Variants in MTHFSD observed in about 807,000 individuals in gnomAD.
MTHFSD encodes methenyltetrahydrofolate synthase domain-containing protein.
MTHFSD carries 37 observed loss-of-function variants against 31.1 expected under a neutral mutation model. The observed-to-expected ratio is 1.19, with a 90% CI of 0.91 to 1.56. The LOEUF (loss-of-function observed/expected upper bound fraction) is 1.56, where lower values mean the gene tolerates loss of function less well. Among genes scored for constraint, MTHFSD ranks in the 40% most tolerant of loss-of-function variants. The pLI is 0.00. For missense variants in MTHFSD, 664 were observed against 510.1 expected (o/e 1.30, Z -2.91); for synonymous variants, 221 against 206.9 (o/e 1.07, Z -0.59).
intron 7 of MTHFSD, among the ~76,000 whole-genome samples, chr16:86,536,083 G>A (rs559137628): frequency 6.6e-6 from 1 of 152,314 alleles, no homozygotes; most frequent in South Asian, 2.1e-4. Flanking sequence ...TTGAACTCCT[G>A]GGCTCAAGTG....
chr16:86,532,040 C>A lies in MTHFSD; in HGVS notation c.1123G>T (p.Ala375Ser). ...TTGTCCCTCTGCTGCCTGGCCAGCG[C>A]CACCCTCAGGGTGTCGGTGCCCAGG... ...LRLGTDTLRV[A>S]LARQQRDK The change falls in exon 8 of 8, where the codon GCG (alanine) becomes TCG (serine). Residue 375 changes from alanine (A) to serine (S), a missense_variant. Coordinates refer to ENST00000360900, the MANE Select transcript of MTHFSD (RefSeq NM_001159377.2). 1 of 1,491,416 alleles carries A rather than the reference C, an allele frequency of 6.7e-7. No homozygotes were observed. The highest frequency in any genetic ancestry group is 1.4e-5 in the African/African-American group (1 of 70,974). 92.4% of individuals were successfully genotyped at this position (1,491,416 alleles called of 1,614,324 possible). A position where few individuals can be genotyped will look rare whatever the true frequency, so the allele number is the denominator to read the frequency against.
At chr16:86,551,855 C>A in intron 3 of MTHFSD, 178 bp downstream of exon 3, 2 of 1,165,944 alleles carry the variant, frequency 1.7e-6, no homozygotes, top group South Asian at 1.7e-5. Flanking sequence ...TGCTAAACAG[C>A]TGAAGGGCTT....
rs766909352 is a variant in MTHFSD at position 86,555,155 on chromosome 16, G to C, written c.16+14C>G. 1 of 1,534,534 alleles carries C rather than the reference G, an allele frequency of 6.5e-7. No individual in the cohort carries two copies. Among genetic ancestry groups the C allele is most frequent in the Non-Finnish European group, 8.7e-7 (1 of 1,145,056 alleles). On this transcript the variant is annotated intron_variant, in intron 1 of 7. Transcript: ENST00000360900. ...CCATTCCCAGCCGCCCCGGAGCCCCGCCAGGCCCCCCACCTGCCCTCGGCT... is the reference window on the plus strand; with the variant it reads ...CCATTCCCAGCCGCCCCGGAGCCCCCCCAGGCCCCCCACCTGCCCTCGGCT...
intron 7 of MTHFSD, among the ~76,000 whole-genome samples, chr16:86,538,599 G>A (rs1168449679): frequency 6.6e-6 from 1 of 152,244 alleles, no homozygotes; most frequent in East Asian, 1.9e-4. Flanking sequence ...GCACAGAGCT[G>A]AGGCAGCCAA....
At chr16:86,545,380 G>A (rs1597360492) in intron 5 of MTHFSD, among the ~76,000 whole-genome samples, 2 of 152,122 alleles carry the variant, frequency 1.3e-5, no homozygotes, top group East Asian at 3.9e-4. Flanking sequence ...TACACAGGGG[G>A]TTAGCTAAAC....
chr16:86,532,039 G>T lies in MTHFSD; in HGVS notation c.1124C>A (p.Ala375Glu), dbSNP rs368619807. 9.4e-6 allele frequency: 14 copies of T among 1,488,436 alleles called. No homozygotes were observed. The highest frequency in any genetic ancestry group is 2.3e-5 in the Admixed American group (1 of 43,484). 92.2% of individuals were successfully genotyped at this position (1,488,436 alleles called of 1,614,324 possible). The change falls in exon 8 of 8, where the codon GCG (alanine) becomes GAG (glutamate). Residue 375 changes from alanine (A) to glutamate (E), a missense_variant. Coordinates refer to ENST00000360900, the MANE Select transcript of MTHFSD (RefSeq NM_001159377.2). Reference sequence around the variant, plus strand: ...CTTGTCCCTCTGCTGCCTGGCCAGCGCCACCCTCAGGGTGTCGGTGCCCAG... The same window carrying T: ...CTTGTCCCTCTGCTGCCTGGCCAGCTCCACCCTCAGGGTGTCGGTGCCCAG... ...LRLGTDTLRVALARQQRDK is the reference protein window; with the variant it reads ...LRLGTDTLRVELARQQRDK
At chr16:86,545,333 C>T (rs1324323274) in intron 5 of MTHFSD, among the ~76,000 whole-genome samples, 1 of 152,184 alleles carries the variant, frequency 6.6e-6, no homozygotes, top group African/African-American at 2.4e-5. Context: ...CTGTGCTGTT[C>T]AATTTTCTAA....
At chr16:86,538,725 C>T (rs912425971) in intron 7 of MTHFSD, among the ~76,000 whole-genome samples, 4 of 152,218 alleles carry the variant, frequency 2.6e-5, no homozygotes, top group Non-Finnish European at 4.4e-5. Context: ...CCCAGAGGTT[C>T]AGGACCACGT....
intron 7 of MTHFSD, chr16:86,541,306 A>AT: frequency 1.9e-6 from 2 of 1,054,678 alleles, no homozygotes; most frequent in Non-Finnish European, 2.5e-6. Context: ...AAAAAAAAAA[A>AT]ATCTGGATTT....
chr16:86,541,292 A>T (rs1263836375), intron 7 of MTHFSD: 16 of 261,058 alleles, frequency 6.1e-5, no homozygotes, highest in East Asian at 2.9e-4. Flanking sequence ...GATCGTCAGT[A>T]AAAAAAAAAA....
intron 7 of MTHFSD, among the ~76,000 whole-genome samples, chr16:86,536,622 C>T (rs1970727702): frequency 6.6e-6 from 1 of 152,248 alleles, no homozygotes; most frequent in Admixed American, 6.5e-5. Context: ...AGGGATGGCT[C>T]AACCTGGGAG....
At chr16:86,551,344 C>G (rs993227450) in intron 3 of MTHFSD, among the ~76,000 whole-genome samples, 3 of 152,144 alleles carry the variant, frequency 2.0e-5, no homozygotes, top group Admixed American at 6.5e-5. Flanking sequence ...GAGGGTACAT[C>G]AGACTTCTTA....
In MTHFSD at chr16:86,542,912, C is replaced by T. The variant is rs540254086; in HGVS notation, c.443-699G>A. On this transcript the variant is annotated intron_variant, in intron 5 of 7. Transcript: ENST00000360900. The surrounding 1 kb of genome is among the most constrained non-coding windows in gnomAD (Gnocchi z 4.6). ...GGCCCCCATGGAGAAGCTACAATTC[C>T]GCTTATGAGAAGCCTGAGGCACTTC... 3.3e-5 allele frequency among the ~76,000 whole-genome samples: 5 copies of T among 152,130 alleles called. No individual in the cohort carries two copies. Among genetic ancestry groups the T allele is most frequent in the South Asian group, 4.1e-4 (2 of 4,820 alleles).
At chr16:86,538,392 C>G (rs1031022124) in intron 7 of MTHFSD, among the ~76,000 whole-genome samples, 1 of 152,156 alleles carries the variant, frequency 6.6e-6, no homozygotes, top group African/African-American at 2.4e-5. Context: ...CAGGTGCTCA[C>G]TCGGGTCCAG....
intron 7 of MTHFSD, chr16:86,535,441 A>G: frequency 9.1e-6 from 9 of 985,424 alleles, no homozygotes; most frequent in Non-Finnish European, 1.1e-5. Context: ...TCTGGACGTC[A>G]TGGTTGGGAT....
In MTHFSD at chr16:86,530,495, C is replaced by T. The variant is rs1969899043; in HGVS notation, c.*1516G>A. 1.3e-5 allele frequency: 2 copies of T among 152,138 alleles called. No homozygotes were observed. Among genetic ancestry groups the T allele is most frequent in the African/African-American group, 4.8e-5 (2 of 41,412 alleles). 9.4% of individuals were successfully genotyped at this position (152,138 alleles called of 1,614,324 possible). On this transcript the variant is annotated 3_prime_UTR_variant, in exon 8 of 8. Coordinates refer to ENST00000360900, the MANE Select transcript of MTHFSD (RefSeq NM_001159377.2). ...GGGTCTATTCCCCGAAGTCCTTGCT[C>T]CTGTCTGCAGGGCTGTGCCCACTGC...
intron 7 of MTHFSD, among the ~76,000 whole-genome samples, chr16:86,539,156 G>T (rs76781532): frequency 0.01 from 1,575 of 152,270 alleles, 22 homozygotes; most frequent in African/African-American, 0.036. Flanking sequence ...GGCTACTTGT[G>T]GGGGGTCTCT....
chr16:86,541,836 G>C lies in MTHFSD; in HGVS notation c.556-14C>G. 6.2e-7 allele frequency: 1 copy of C among 1,613,618 alleles called. No homozygotes were observed. Among genetic ancestry groups the C allele is most frequent in the Non-Finnish European group, 8.5e-7 (1 of 1,179,596 alleles). On this transcript the variant is annotated splice_polypyrimidine_tract_variant and intron_variant, in intron 6 of 7. Transcript: ENST00000360900. ...GATGTCCACGACCTGGGGGAAGAGAGGAGGGATAAAGGGGCTGCTGGGAAT... is the reference window on the plus strand; with the variant it reads ...GATGTCCACGACCTGGGGGAAGAGACGAGGGATAAAGGGGCTGCTGGGAAT...
chr16:86,530,914 G>C lies in MTHFSD; in HGVS notation c.*1097C>G, dbSNP rs1160098700. 1 of 152,206 alleles carries C rather than the reference G, an allele frequency of 6.6e-6. No individual in the cohort carries two copies. Among genetic ancestry groups the C allele is most frequent in the East Asian group, 1.9e-4 (1 of 5,186 alleles). The allele number at this position is 152,206 out of a possible 1,614,324, so 9.4% of individuals were successfully genotyped here. A position where few individuals can be genotyped will look rare whatever the true frequency, so the allele number is the denominator to read the frequency against. ...TCTGTCTTTAATGAGCAAATGTAAG[G>C]CTGCGTTTTCTTTGCGAAGTCTCCA... On this transcript the variant is annotated 3_prime_UTR_variant, in exon 8 of 8. Coordinates refer to ENST00000360900, the MANE Select transcript of MTHFSD (RefSeq NM_001159377.2).
Sources: gnomAD v4.1 joint callset for allele counts (sites outside exome capture counted in the v4.1 genomes callset) on GRCh38, gnomAD v4.1.1 for gene constraint, Gnocchi (gnomAD v3.1) non-coding constraint, MANE v1.5 for transcripts, NCBI Gene and HGNC (gene_info 2026-07-23, HGNC 2026-07-21) for gene names.